Variants in ANTXR2 observed in about 807,000 individuals in gnomAD.
ANTXR2 encodes the protein ANTXR cell adhesion molecule 2.
In ANTXR2, 44 loss-of-function variants were observed where a neutral mutation model predicts 73.7. The ratio of observed to expected loss-of-function variants is 0.60; its 90% CI spans 0.47 to 0.77. The LOEUF (loss-of-function observed/expected upper bound fraction) is 0.77. ANTXR2 is among the 30% of genes least tolerant of loss of function. ANTXR2 has a pLI of 0.00. For synonymous variants in ANTXR2, 217 were observed against 205.9 expected, an observed-to-expected ratio of 1.05 and a Z score of -0.46; for missense variants, 604 against 592.5, an observed-to-expected ratio of 1.02 and a Z score of -0.20.
rs748892926 is a variant in ANTXR2, at chr4:80,072,473, G to GCCC, written c.85_87dup (p.Gly29dup). 6 of 1,610,354 alleles carry GCCC rather than the reference G, an allele frequency of 3.7e-6. No homozygotes were observed. In the Middle Eastern group the frequency reaches 5.0e-4, roughly 133 times the overall value. ...GAGGGCTGCTCCTGGGCGCGCAGCA[G>GCCC]CCCCCCGGGACCGCTGAGCACCAAC... On this transcript the variant is annotated inframe_insertion, in exon 1 of 17. Transcript: ENST00000403729.
intron 12 of ANTXR2, among the ~76,000 whole-genome samples, chr4:79,989,683 A>C (rs565739346): frequency 6.6e-6 from 1 of 152,268 alleles, no homozygotes; most frequent in African/African-American, 2.4e-5. Flanking sequence ...CAATGAAAAA[A>C]GAAAACTTCA....
Position 79,926,792 on chromosome 4 carries a change from C to T in ANTXR2, c.1429-19325G>A, listed in dbSNP as rs562603732. Among the ~76,000 whole-genome samples the T allele has an allele frequency of 3.3e-5, 5 of 152,014 alleles. No individual in the cohort carries two copies. In the South Asian group the frequency reaches 1.0e-3, roughly 32 times the overall value. On this transcript the variant is annotated intron_variant, in intron 16 of 16. Transcript: ENST00000403729. ...ATCTGCATTTTCATGTTGATTACAGCCTTATTCACAGTAGCCAAGATATGG... is the reference window on the plus strand; with the variant it reads ...ATCTGCATTTTCATGTTGATTACAGTCTTATTCACAGTAGCCAAGATATGG...
intron 14 of ANTXR2, among the ~76,000 whole-genome samples, chr4:79,981,881 A>G (rs1402646925): frequency 6.6e-6 from 1 of 152,204 alleles, no homozygotes; most frequent in East Asian, 1.9e-4. Flanking sequence ...ATTTTGTTCA[A>G]CTGAAAAGGA....
At chr4:80,045,822 G>C (rs1733492851) in intron 7 of ANTXR2, among the ~76,000 whole-genome samples, 1 of 151,690 alleles carries the variant, frequency 6.6e-6, no homozygotes. Context: ...ATTCAGATGT[G>C]TGATTTTTAT....
chr4:79,973,755 G>C (rs1001129840), intron 16 of ANTXR2, among the ~76,000 whole-genome samples: 1 of 152,088 alleles, frequency 6.6e-6, no homozygotes, highest in African/African-American at 2.4e-5. Flanking sequence ...AATAATCTTT[G>C]TGAAACAATG....
intron 16 of ANTXR2, among the ~76,000 whole-genome samples, chr4:79,959,317 T>C (rs1011691904): frequency 9.9e-5 from 15 of 152,144 alleles, no homozygotes; most frequent in Non-Finnish European, 1.8e-4. Context: ...TGTTCTGTCT[T>C]ATTTTTCTCA....
chr4:79,978,094 T>C lies in ANTXR2; in HGVS notation c.1260A>G (p.Glu420=), dbSNP rs778565537. 11 of 1,613,810 alleles carry C rather than the reference T, an allele frequency of 6.8e-6. No individual in the cohort carries two copies. The highest frequency in any genetic ancestry group is 1.1e-5 in the South Asian group (1 of 91,074). The change falls in exon 15 of 17, where the codon GAA becomes GAG. Residue 420 remains glutamate, a synonymous_variant. Transcript: ENST00000403729. ...TAGGCCTGATGGGTTCCTCTGTTTC[T>C]TCAGGAATCTTCACCACAGCATTTT... The part of the protein sequence containing the change: ...KAKNAVVKIP[E]ETEEPIRPRP...
chr4:79,959,678 G>C (rs983551161), intron 16 of ANTXR2, among the ~76,000 whole-genome samples: 2 of 152,238 alleles, frequency 1.3e-5, no homozygotes, highest in African/African-American at 4.8e-5. Flanking sequence ...GTGAGGGATA[G>C]AGCAAATGAC....
chr4:79,934,194 T>C (rs1244073032), intron 16 of ANTXR2, among the ~76,000 whole-genome samples: 2 of 152,114 alleles, frequency 1.3e-5, no homozygotes, highest in African/African-American at 2.4e-5. Context: ...TGCTTTTGAA[T>C]AGGATGACAG....
In ANTXR2 at chr4:80,055,131, C is replaced by A. The variant is rs1235602251; in HGVS notation, c.555+19G>T. 1.3e-6 allele frequency: 2 copies of A among 1,543,996 alleles called. No individual in the cohort carries two copies. The highest frequency in any genetic ancestry group is 1.2e-5 in the South Asian group (1 of 83,912). On this transcript the variant is annotated intron_variant, in intron 6 of 16. Coordinates refer to ENST00000403729, the MANE Select transcript of ANTXR2 (RefSeq NM_058172.6). ...ATTATGTGGTTCAGATTAAAGTTTGCAGATCTCTTGTAACTTACCTGTGCT... is the reference window on the plus strand; with the variant it reads ...ATTATGTGGTTCAGATTAAAGTTTGAAGATCTCTTGTAACTTACCTGTGCT...
intron 7 of ANTXR2, among the ~76,000 whole-genome samples, chr4:80,050,820 A>G (rs1578186046): frequency 6.6e-6 from 1 of 151,664 alleles, no homozygotes; most frequent in East Asian, 1.9e-4. Context: ...CATTATTATA[A>G]GAGTACTCTT....
intron 14 of ANTXR2, among the ~76,000 whole-genome samples, chr4:79,981,038 G>A (rs1042572098): frequency 6.6e-6 from 1 of 151,946 alleles, no homozygotes; most frequent in African/African-American, 2.4e-5. Context: ...TGAGAGAATC[G>A]AGAGAATCGC....
chr4:79,985,062 A>C (rs1730068275), intron 12 of ANTXR2, among the ~76,000 whole-genome samples, 199 bp from the exon 13 acceptor site: 7 of 152,008 alleles, frequency 4.6e-5, no homozygotes, highest in Admixed American at 2.0e-4. Flanking sequence ...AAAAAGGTTG[A>C]AGTGGGCCAG....
chr4:79,957,850 C>T (rs748509333), intron 16 of ANTXR2, among the ~76,000 whole-genome samples: 7 of 151,778 alleles, frequency 4.6e-5, no homozygotes, highest in Admixed American at 1.3e-4. Context: ...GGAACAGCAA[C>T]GCAGGGAGGA....
chr4:79,918,476 T>TA (rs34629635), intron 16 of ANTXR2, among the ~76,000 whole-genome samples: 36,006 of 151,812 alleles, frequency 0.24, 5,059 homozygotes, highest in East Asian at 0.69. Context: ...CACAATGAGA[T>TA]ATAAAGAGGG....
At chr4:79,950,791 C>G (rs374220290) in intron 16 of ANTXR2, among the ~76,000 whole-genome samples, 2 of 152,158 alleles carry the variant, frequency 1.3e-5, no homozygotes, top group East Asian at 1.9e-4. Context: ...CCTGCCAAAT[C>G]CAGTATTTCT....
At chr4:80,034,936 G>A (rs1009215851) in intron 8 of ANTXR2, among the ~76,000 whole-genome samples, 2 of 152,040 alleles carry the variant, frequency 1.3e-5, no homozygotes, top group Non-Finnish European at 1.5e-5. Context: ...TAAGAGTATG[G>A]GCATTCAAGT....
chr4:79,985,426 T>C (rs1730099355), intron 12 of ANTXR2, among the ~76,000 whole-genome samples: 1 of 151,302 alleles, frequency 6.6e-6, no homozygotes, highest in African/African-American at 2.4e-5. Flanking sequence ...TCAGGCTAGG[T>C]CAAAAGAACT....
Position 79,905,972 on chromosome 4 carries a change from C to T in ANTXR2, c.*1457G>A, listed in dbSNP as rs1358967023. On this transcript the variant is annotated 3_prime_UTR_variant, in exon 17 of 17. Transcript: ENST00000403729. The stretch of plus-strand genomic sequence containing the variant: ...ACATCCCACTGACCCAGCCACTGGT[C>T]ATTGTCTATACCAGTTCACATCAAA... 6.6e-6 allele frequency: 1 copy of T among 152,554 alleles called. No individual in the cohort carries two copies. Among genetic ancestry groups the T allele is most frequent in the Non-Finnish European group, 1.5e-5 (1 of 68,040 alleles). The allele number at this position is 152,554 out of a possible 1,614,324, so 9.5% of individuals were successfully genotyped here.
Sources: gnomAD v4.1 joint callset for allele counts (sites outside exome capture counted in the v4.1 genomes callset) on GRCh38, gnomAD v4.1.1 for gene constraint, MANE v1.5 for transcripts, NCBI Gene and HGNC (gene_info 2026-07-23, HGNC 2026-07-21) for gene names.